EVC: variants seen among roughly 807,000 people sequenced by gnomAD.
EVC encodes the protein evC complex member EVC.
In EVC, 116 loss-of-function variants were observed where a neutral mutation model predicts 118.9. The ratio of observed to expected loss-of-function variants is 0.98; its 90% CI spans 0.84 to 1.14. The LOEUF (loss-of-function observed/expected upper bound fraction) is 1.14. Ranked by LOEUF, EVC falls within the 50% of genes most tolerant of loss-of-function variation. The probability of loss-of-function intolerance (pLI) is 0.00; values close to 1 mark genes in which losing one functional copy is unlikely to be tolerated. For missense variants in EVC, 1,401 were observed against 1,246.4 expected, an observed-to-expected ratio of 1.12 and a Z score of -1.87; for synonymous variants, 619 against 534.7, an observed-to-expected ratio of 1.16 and a Z score of -2.18.
intron 2 of EVC, among the ~76,000 whole-genome samples, chr4:5,723,740 G>A (rs1194397008): frequency 1.3e-5 from 2 of 152,142 alleles, no homozygotes; most frequent in East Asian, 1.9e-4. Context: ...CAGGGACCAC[G>A]CTCAGATAGG....
At chr4:5,763,217 A>G (rs1292227784) in intron 11 of EVC, among the ~76,000 whole-genome samples, 1 of 140,514 alleles carries the variant, frequency 7.1e-6, no homozygotes, top group Non-Finnish European at 1.5e-5. Context: ...AGTTGTAGAT[A>G]TGTGGCATTA....
At chr4:5,824,107 A>C in the EVC span, among the ~76,000 whole-genome samples, 1 of 152,190 alleles carries the variant, frequency 6.6e-6, no homozygotes, top group Non-Finnish European at 1.5e-5. Flanking sequence ...TCTTGTTCTA[A>C]GAACAACGGG....
intron 13 of EVC, among the ~76,000 whole-genome samples, chr4:5,794,283 A>ATATT (rs1457207350): frequency 0.067 from 7,704 of 115,540 alleles, 308 homozygotes; most frequent in Non-Finnish European, 0.092. Context: ...ATATATTTAT[A>ATATT]TATATTTTTA....
In EVC at chr4:5,738,063, T is replaced by A. The variant is rs1403680173; in HGVS notation, c.703-3653T>A. ...CAAAATATCAACATTAACAAGAGTT[T>A]GGAAGAGGTTGATTTCAATCCTCAT... On this transcript the variant is annotated intron_variant, in intron 5 of 20. Coordinates refer to ENST00000264956, the MANE Select transcript of EVC (RefSeq NM_153717.3). The surrounding 1 kb of genome is among the most constrained non-coding windows in gnomAD (Gnocchi z 6.5). Among the ~76,000 whole-genome samples, 1 of 152,184 alleles carries A rather than the reference T, an allele frequency of 6.6e-6. No individual in the cohort carries two copies. The highest frequency in any genetic ancestry group is 2.4e-5 in the African/African-American group (1 of 41,446).
intron 12 of EVC, among the ~76,000 whole-genome samples, chr4:5,786,560 G>C (rs529330029): frequency 6.6e-6 from 1 of 152,280 alleles, no homozygotes; most frequent in South Asian, 2.1e-4. Context: ...TTAATTTACT[G>C]ATTACTTAAC....
At chr4:5,778,483 C>T (rs1735069798) in intron 11 of EVC, among the ~76,000 whole-genome samples, 1 of 151,874 alleles carries the variant, frequency 6.6e-6, no homozygotes, top group Non-Finnish European at 1.5e-5. Context: ...TATTTCTCCA[C>T]ATCCTCTCCA....
intron 8 of EVC, among the ~76,000 whole-genome samples, chr4:5,750,682 A>T (rs1730214195): frequency 1.3e-5 from 2 of 152,204 alleles, no homozygotes; most frequent in Non-Finnish European, 2.9e-5. Context: ...GGCAGTATGT[A>T]AAGTTTTTAG....
At chr4:5,825,207 C>T in the EVC span, 3 of 985,322 alleles carry the variant, frequency 3.0e-6, no homozygotes, top group Non-Finnish European at 3.6e-6. This position sits in a 1 kb window ranked among gnomAD's most constrained non-coding sequence, Gnocchi z 4.4. Context: ...GTGAAAGTGT[C>T]CCCAAATGTG....
downstream of EVC, among the ~76,000 whole-genome samples, chr4:5,819,060 T>C (rs1247440877): frequency 1.3e-5 from 2 of 152,206 alleles, no homozygotes; most frequent in Admixed American, 6.5e-5. Context: ...GAATAGTCTT[T>C]GCAATAAATG....
chr4:5,739,133 T>C (rs923718694), intron 5 of EVC, among the ~76,000 whole-genome samples: 2 of 152,180 alleles, frequency 1.3e-5, no homozygotes, highest in African/African-American at 4.8e-5. Context: ...TTTTTGTACC[T>C]TCATTTGAAT....
rs1491074884 is a variant in EVC, at chr4:5,794,334, T to TA, written c.1886+617_1886+618insA. On this transcript the variant is annotated intron_variant, in intron 13 of 20. Coordinates refer to ENST00000264956, the MANE Select transcript of EVC (RefSeq NM_153717.3). ...ATATATTTATATATATTTATATATA[T>TA]TTATATACTTATATATATATTTATG... Among the ~76,000 whole-genome samples, 1,176 of 120,686 alleles carry TA rather than the reference T, an allele frequency of 9.7e-3. 46 individuals are homozygous for TA. The East Asian group carries it at 0.14, about 14-fold the overall frequency. 79.2% of individuals were successfully genotyped at this position (120,686 alleles called of 152,430 possible).
rs1024015517 is a variant in EVC, at chr4:5,798,645, G to A, written c.2157G>A (p.Leu719=). ...RLEEEAQQTR[L]QLQQRLLAEA... ...AGGAGGAAGCACAGCAGACACGGCT[G>A]CAGCTCCAGCAGCGGCTCCTGGCCG... Residue 719 remains leucine, a synonymous_variant, in exon 15 of 21, where the codon CTG becomes CTA. Transcript: ENST00000264956. The surrounding 1 kb of genome is among the most constrained non-coding windows in gnomAD (Gnocchi z 4.1). 2 of 1,593,618 alleles carry A rather than the reference G, an allele frequency of 1.3e-6. No individual in the cohort carries two copies. The highest frequency in any genetic ancestry group is 8.5e-7 in the Non-Finnish European group (1 of 1,171,958).
chr4:5,821,733 C>T, the EVC span: 12 of 1,575,402 alleles, frequency 7.6e-6, no homozygotes, highest in Admixed American at 8.9e-5. This position sits in a 1 kb window ranked among gnomAD's most constrained non-coding sequence, Gnocchi z 4.4. Context: ...CAGAATCCTT[C>T]AGGCTAGCTC....
chr4:5,767,160 G>C (rs1480083219), intron 11 of EVC, among the ~76,000 whole-genome samples: 1 of 151,956 alleles, frequency 6.6e-6, no homozygotes, highest in South Asian at 2.1e-4. Context: ...GTACCCTGCT[G>C]TGTGAGGTGT....
intron 11 of EVC, among the ~76,000 whole-genome samples, chr4:5,759,955 GGT>G (rs1327382397): frequency 1.3e-5 from 2 of 151,148 alleles, no homozygotes; most frequent in East Asian, 3.9e-4. Flanking sequence ...GGTCAGGAAA[GGT>G]GGGACAACTT....
intron 6 of EVC, 132 bp from the exon 7 acceptor site, chr4:5,745,072 C>T (rs1272524294): frequency 1.2e-6 from 1 of 859,060 alleles, no homozygotes; most frequent in East Asian, 2.7e-5. Context: ...ACAACAACCC[C>T]CAGAGCATTT....
At position 5,756,454 on chromosome 4, in the gene EVC, G is replaced by A; in HGVS notation, c.1563+92G>A. 9.2e-7 allele frequency: 1 copy of A among 1,089,338 alleles called. No individual in the cohort carries two copies. Among genetic ancestry groups the A allele is most frequent in the Non-Finnish European group, 1.4e-6 (1 of 731,606 alleles). 67.5% of individuals were successfully genotyped at this position (1,089,338 alleles called of 1,614,324 possible). A position where few individuals can be genotyped will look rare whatever the true frequency, so the allele number is the denominator to read the frequency against. ...CCTCCTGGCTGGGGACCCCAGAGGT[G>A]GTTCAGGTCCAACCCCGCACTCATT... On this transcript the variant is annotated intron_variant, in intron 11 of 20. Coordinates refer to ENST00000264956, the MANE Select transcript of EVC (RefSeq NM_153717.3). The surrounding 1 kb of genome is among the most constrained non-coding windows in gnomAD (Gnocchi z 4.2).
downstream of EVC, among the ~76,000 whole-genome samples, chr4:5,816,055 A>G (rs1717624558): frequency 6.6e-6 from 1 of 152,056 alleles, no homozygotes; most frequent in Non-Finnish European, 1.5e-5. Context: ...TGTCAGCATT[A>G]CCCAGGGGCT....
intron 1 of EVC, among the ~76,000 whole-genome samples, chr4:5,716,461 G>T (rs1003934062): frequency 3.9e-5 from 6 of 152,194 alleles, no homozygotes; most frequent in African/African-American, 1.2e-4. Flanking sequence ...TCCTGGTCAT[G>T]ACTTCCTCTG....
Sources: allele counts gnomAD v4.1 joint callset (sites outside exome capture counted in the v4.1 genomes callset), GRCh38; gene constraint gnomAD v4.1.1; non-coding constraint Gnocchi (gnomAD v3.1); transcripts MANE v1.5; gene names NCBI Gene and HGNC (gene_info 2026-07-23, HGNC 2026-07-21).